Variants in KCNK12 observed in about 807,000 individuals in gnomAD.
KCNK12 encodes the protein potassium two pore domain channel subfamily K member 12.
A neutral mutation model predicts 25.3 loss-of-function variants in KCNK12; 6 were observed. The observed-to-expected ratio is 0.24, with a 90% CI of 0.13 to 0.47. KCNK12 has a LOEUF of 0.47. Among genes scored for constraint, KCNK12 ranks in the 20% least tolerant of loss-of-function variants. The pLI is 0.99. For synonymous variants in KCNK12, 331 were observed against 311.1 expected (o/e 1.06, Z -0.67); for missense variants, 444 against 661.7 (o/e 0.67, Z 3.61).
At position 47,520,901 on chromosome 2, in the gene KCNK12, G is replaced by T; in HGVS notation, c.*6C>A. 1 of 1,242,236 alleles carries T rather than the reference G, an allele frequency of 8.1e-7. No individual in the cohort carries two copies. The highest frequency in any genetic ancestry group is 3.2e-5 in the East Asian group (1 of 31,738). 77.0% of individuals were successfully genotyped at this position (1,242,236 alleles called of 1,614,324 possible). A position where few individuals can be genotyped will look rare whatever the true frequency, so the allele number is the denominator to read the frequency against. ...AGAGGGTCCCCGGCGCGGGCGGACG[G>T]GCGGTCTACCTGGAGGCGCTGGTCT... On this transcript the variant is annotated 3_prime_UTR_variant, in exon 2 of 2. Coordinates refer to ENST00000327876, the MANE Select transcript of KCNK12 (RefSeq NM_022055.2). The surrounding 1 kb of genome is among the most constrained non-coding windows in gnomAD (Gnocchi z 5.0).
Position 47,513,403 on chromosome 2 carries a change from T to A in KCNK12, c.*7504A>T, listed in dbSNP as rs897899394. ...CCTTGTTTCCCTTGGCTTTGTGGCA[T>A]CCTGTGCTCTTGGTTTTCTCCCATA... On this transcript the variant is annotated 3_prime_UTR_variant, in exon 2 of 2. Coordinates refer to ENST00000327876, the MANE Select transcript of KCNK12 (RefSeq NM_022055.2). Among the ~76,000 whole-genome samples, 1 of 152,242 alleles carries A rather than the reference T, an allele frequency of 6.6e-6. No individual in the cohort carries two copies. Among genetic ancestry groups the A allele is most frequent in the Non-Finnish European group, 1.5e-5 (1 of 68,046 alleles).
chr2:47,522,731 A>C (rs116860307), intron 1 of KCNK12, among the ~76,000 whole-genome samples: 1,561 of 152,340 alleles, frequency 0.01, 16 homozygotes, highest in East Asian at 0.021. Flanking sequence ...CCTAAGGCCA[A>C]GTGGGTAGTC....
chr2:47,539,036 G>A (rs1169135610), intron 1 of KCNK12, among the ~76,000 whole-genome samples: 1 of 152,174 alleles, frequency 6.6e-6, no homozygotes, highest in Non-Finnish European at 1.5e-5. Flanking sequence ...TCGATGAAAC[G>A]AACACCCATC....
At chr2:47,549,851 T>C (rs542688443) in intron 1 of KCNK12, among the ~76,000 whole-genome samples, 2 of 152,128 alleles carry the variant, frequency 1.3e-5, no homozygotes, top group African/African-American at 4.8e-5. Flanking sequence ...GGAGAATTGC[T>C]TGAACCCAGG....
Position 47,528,778 on chromosome 2 carries a change from C to T in KCNK12, c.392-6970G>A, listed in dbSNP as rs1183034665. Among the ~76,000 whole-genome samples, 5 of 152,244 alleles carry T rather than the reference C, an allele frequency of 3.3e-5. No homozygotes were observed. Among genetic ancestry groups the T allele is most frequent in the Admixed American group, 1.3e-4 (2 of 15,286 alleles). On this transcript the variant is annotated intron_variant, in intron 1 of 1. Transcript: ENST00000327876. The surrounding 1 kb of genome is among the most constrained non-coding windows in gnomAD (Gnocchi z 4.5). ...CCCACAGCCTGTCTGGTGCCGCCTTCGCAAATGGGGCCCTGGTGATGGGGC... is the reference window on the plus strand; with the variant it reads ...CCCACAGCCTGTCTGGTGCCGCCTTTGCAAATGGGGCCCTGGTGATGGGGC...
Position 47,569,893 on chromosome 2 carries a change from A to C in KCNK12, c.391+48T>G. ...GCGGCCGAGCAGTGGAAAGGGCGGC[A>C]GGTGAAAGGCACAGAGAGGAAAGAT... On this transcript the variant is annotated intron_variant, in intron 1 of 1. Coordinates refer to ENST00000327876, the MANE Select transcript of KCNK12 (RefSeq NM_022055.2). This position sits in a 1 kb window ranked among gnomAD's most constrained non-coding sequence, Gnocchi z 4.1. 7.8e-7 allele frequency: 1 copy of C among 1,287,220 alleles called. No individual in the cohort carries two copies. Among genetic ancestry groups the C allele is most frequent in the Non-Finnish European group, 9.9e-7 (1 of 1,006,602 alleles). The allele number at this position is 1,287,220 out of a possible 1,614,324, so 79.7% of individuals were successfully genotyped here.
At position 47,557,506 on chromosome 2, in the gene KCNK12, A is replaced by G. The variant is rs1669573928; in HGVS notation, c.391+12435T>C. Among the ~76,000 whole-genome samples the G allele has an allele frequency of 6.6e-6, 1 of 152,156 alleles. No individual in the cohort carries two copies. Among genetic ancestry groups the G allele is most frequent in the Admixed American group, 6.5e-5 (1 of 15,274 alleles). On this transcript the variant is annotated intron_variant, in intron 1 of 1. Coordinates refer to ENST00000327876, the MANE Select transcript of KCNK12 (RefSeq NM_022055.2). The surrounding 1 kb of genome is among the most constrained non-coding windows in gnomAD (Gnocchi z 4.9). The stretch of plus-strand genomic sequence containing the variant: ...AGCAGAAAACAGACCAAGACAAGCT[A>G]AAATTCATACCCAAGACCAGGGCCC...
In KCNK12 at chr2:47,533,430, C is replaced by T. The variant is rs1026003666; in HGVS notation, c.392-11622G>A. On this transcript the variant is annotated intron_variant, in intron 1 of 1. Transcript: ENST00000327876. The surrounding 1 kb of genome is among the most constrained non-coding windows in gnomAD (Gnocchi z 4.7). ...AAGCACCAAGCTTAGCTGGGAAGCA[C>T]GATGGGTGAGGCATGGACCTTATTT... Among the ~76,000 whole-genome samples the T allele has an allele frequency of 6.6e-6, 1 of 152,176 alleles. No individual in the cohort carries two copies. Among genetic ancestry groups the T allele is most frequent in the South Asian group, 2.1e-4 (1 of 4,830 alleles).
intron 1 of KCNK12, among the ~76,000 whole-genome samples, chr2:47,545,030 A>G (rs1042389100): frequency 6.6e-6 from 1 of 152,024 alleles, no homozygotes; most frequent in East Asian, 1.9e-4. Context: ...CTGTTATTCG[A>G]GTGAATTAAA....
intron 1 of KCNK12, among the ~76,000 whole-genome samples, chr2:47,544,752 A>G (rs1008191367): frequency 1.8e-4 from 28 of 152,184 alleles, no homozygotes; most frequent in African/African-American, 6.5e-4. Flanking sequence ...CCCCCAGGCT[A>G]GGTCCTGTGG....
chr2:47,561,608 C>T (rs993981232), intron 1 of KCNK12, among the ~76,000 whole-genome samples: 2 of 152,078 alleles, frequency 1.3e-5, no homozygotes, highest in African/African-American at 4.8e-5. Context: ...GCAGGGCTCA[C>T]CAACAGGGTT....
chr2:47,532,654 T>A (rs537699436), intron 1 of KCNK12, among the ~76,000 whole-genome samples: 1 of 152,230 alleles, frequency 6.6e-6, no homozygotes. Flanking sequence ...TCTGGTAACA[T>A]TGGGAGCACC....
intron 1 of KCNK12, among the ~76,000 whole-genome samples, chr2:47,531,629 C>A (rs947353232): frequency 6.6e-6 from 1 of 152,112 alleles, no homozygotes; most frequent in African/African-American, 2.4e-5. Flanking sequence ...CCATAGGAAA[C>A]GTCCAGTGAC....
At chr2:47,522,094 C>T (rs1355797963) in intron 1 of KCNK12, among the ~76,000 whole-genome samples, 2 of 152,174 alleles carry the variant, frequency 1.3e-5, no homozygotes, top group Admixed American at 6.5e-5. Flanking sequence ...TAGGAAGGAC[C>T]CATCATGACA....
intron 1 of KCNK12, among the ~76,000 whole-genome samples, chr2:47,539,436 C>T (rs1271103230): frequency 6.6e-6 from 1 of 152,062 alleles, no homozygotes; most frequent in Non-Finnish European, 1.5e-5. Flanking sequence ...GTGAGTTCAG[C>T]GAGTCTAGTT....
chr2:47,513,584 C>T lies in KCNK12; in HGVS notation c.*7323G>A, dbSNP rs187698331. 1.3e-5 allele frequency among the ~76,000 whole-genome samples: 2 copies of T among 152,174 alleles called. No homozygotes were observed. Among genetic ancestry groups the T allele is most frequent in the Non-Finnish European group, 2.9e-5 (2 of 68,036 alleles). On this transcript the variant is annotated 3_prime_UTR_variant, in exon 2 of 2. Coordinates refer to ENST00000327876, the MANE Select transcript of KCNK12 (RefSeq NM_022055.2). ...TCCAAAATGTTGGTCTAGCCTGGGT[C>T]ATTGTTATGAGCTCTAGACTCACAA...
Position 47,555,979 on chromosome 2 carries a change from G to A in KCNK12, c.391+13962C>T, listed in dbSNP as rs1382834388. On this transcript the variant is annotated intron_variant, in intron 1 of 1. Transcript: ENST00000327876. The surrounding 1 kb of genome is among the most constrained non-coding windows in gnomAD (Gnocchi z 4.5). The stretch of plus-strand genomic sequence containing the variant: ...TCATCACTGGATTTTTTTAGGAAGG[G>A]GGCCACTAGGGACCTTACAATAACG... The A allele has an allele frequency of 6.6e-6, 1 of 152,178 alleles. No homozygotes were observed. Among genetic ancestry groups the A allele is most frequent in the Non-Finnish European group, 1.5e-5 (1 of 68,040 alleles). 9.4% of individuals were successfully genotyped at this position (152,178 alleles called of 1,614,324 possible). A position where few individuals can be genotyped will look rare whatever the true frequency, so the allele number is the denominator to read the frequency against.
At position 47,515,765 on chromosome 2, in the gene KCNK12, G is replaced by A. The variant is rs1668510131; in HGVS notation, c.*5142C>T. ...GATGTGGAGGGGAGAGAAGGCCTCA[G>A]TAGAGTTTGCACTATTATTAGGGCA... On this transcript the variant is annotated 3_prime_UTR_variant, in exon 2 of 2. Coordinates refer to ENST00000327876, the MANE Select transcript of KCNK12 (RefSeq NM_022055.2). Among the ~76,000 whole-genome samples, 1 of 152,146 alleles carries A rather than the reference G, an allele frequency of 6.6e-6. No homozygotes were observed. The highest frequency in any genetic ancestry group is 1.5e-5 in the Non-Finnish European group (1 of 68,020).
Position 47,519,647 on chromosome 2 carries a change from A to G in KCNK12, c.*1260T>C, listed in dbSNP as rs1478778237. 6.6e-6 allele frequency: 1 copy of G among 152,230 alleles called. No homozygotes were observed. The highest frequency in any genetic ancestry group is 2.4e-5 in the African/African-American group (1 of 41,450). 9.4% of individuals were successfully genotyped at this position (152,230 alleles called of 1,614,324 possible). A position where few individuals can be genotyped will look rare whatever the true frequency, so the allele number is the denominator to read the frequency against. On this transcript the variant is annotated 3_prime_UTR_variant, in exon 2 of 2. Coordinates refer to ENST00000327876, the MANE Select transcript of KCNK12 (RefSeq NM_022055.2). ...GCCCGAGAGCAAAACTGTAATCCTA[A>G]CATTACTTCCATCCACCAGTTTCAC...
Sources: allele counts gnomAD v4.1 joint callset (sites outside exome capture counted in the v4.1 genomes callset), GRCh38; gene constraint gnomAD v4.1.1; non-coding constraint Gnocchi (gnomAD v3.1); transcripts MANE v1.5; gene names NCBI Gene and HGNC (gene_info 2026-07-23, HGNC 2026-07-21).